The following GPC5 variants were observed in gnomAD, a reference collection of about 807,000 sequenced individuals.
GPC5 encodes glypican-5.
A neutral mutation model predicts 53.9 loss-of-function variants in GPC5; 47 were observed. That is an observed-to-expected ratio of 0.87 (90% CI 0.69 to 1.11). The LOEUF (loss-of-function observed/expected upper bound fraction) is 1.11, where lower values mean the gene tolerates loss of function less well. GPC5 is among the 50% of genes most tolerant of loss of function. GPC5 has a pLI of 0.00. For synonymous variants in GPC5, 286 were observed against 263.3 expected, an observed-to-expected ratio of 1.09 and a Z score of -0.84; for missense variants, 748 against 713.1, an observed-to-expected ratio of 1.05 and a Z score of -0.56.
intron 2 of GPC5, among the ~76,000 whole-genome samples, chr13:91,528,702 C>G (rs1886198492): frequency 6.6e-6 from 1 of 152,176 alleles, no homozygotes; most frequent in African/African-American, 2.4e-5. Flanking sequence ...ATAAAGAACC[C>G]CCTGAGAGTC....
At chr13:92,464,195 T>A (rs1181363713) in intron 7 of GPC5, among the ~76,000 whole-genome samples, 1 of 152,174 alleles carries the variant, frequency 6.6e-6, no homozygotes, top group Non-Finnish European at 1.5e-5. Flanking sequence ...CATGCTTTGG[T>A]GCAGACGACA....
At chr13:92,460,783 T>C (rs1594220089) in intron 7 of GPC5, among the ~76,000 whole-genome samples, 1 of 150,918 alleles carries the variant, frequency 6.6e-6, no homozygotes, top group African/African-American at 2.5e-5. Context: ...AAGAGAAATA[T>C]GTTAAAGTAT....
chr13:92,551,727 G>A (rs761416825), intron 7 of GPC5, among the ~76,000 whole-genome samples: 2 of 151,826 alleles, frequency 1.3e-5, no homozygotes, highest in Non-Finnish European at 2.9e-5. Flanking sequence ...GGTAGGAGGT[G>A]TAAGAAGAAA....
chr13:91,678,737 G>GTT (rs72106700), intron 2 of GPC5, among the ~76,000 whole-genome samples: 2,217 of 144,526 alleles, frequency 0.015, 62 homozygotes, highest in African/African-American at 0.052. Flanking sequence ...AGGAGTTTTT[G>GTT]TTTTTTTTTT....
At chr13:92,420,196 GAA>G (rs1166974778) in intron 7 of GPC5, among the ~76,000 whole-genome samples, 5 of 152,036 alleles carry the variant, frequency 3.3e-5, no homozygotes, top group Non-Finnish European at 7.4e-5. Flanking sequence ...ATTTTCTGCT[GAA>G]AATTTCATTG....
intron 5 of GPC5, among the ~76,000 whole-genome samples, chr13:91,844,898 C>T (rs770178124): frequency 4.6e-5 from 7 of 151,748 alleles, no homozygotes; most frequent in Non-Finnish European, 1.0e-4. Flanking sequence ...GCTAATTTTG[C>T]TGTGTGTATT....
At chr13:92,562,306 G>A (rs967383881) in intron 7 of GPC5, among the ~76,000 whole-genome samples, 4 of 151,900 alleles carry the variant, frequency 2.6e-5, no homozygotes, top group East Asian at 1.9e-4. Flanking sequence ...CTCTCAATAC[G>A]TCGGCTCTTG....
chr13:92,280,457 G>A (rs1021438466), intron 7 of GPC5, among the ~76,000 whole-genome samples: 10 of 151,890 alleles, frequency 6.6e-5, no homozygotes, highest in African/African-American at 7.3e-5. Flanking sequence ...TGTCAATATC[G>A]GATCCTGTCT....
intron 7 of GPC5, among the ~76,000 whole-genome samples, chr13:92,295,437 C>CGTA (rs1453540951): frequency 6.6e-6 from 1 of 152,094 alleles, no homozygotes; most frequent in Admixed American, 6.5e-5. Flanking sequence ...TGTGTCCTAT[C>CGTA]GTAGGTCTAT....
chr13:92,569,648 A>G (rs1454790808), intron 7 of GPC5, among the ~76,000 whole-genome samples: 1 of 152,264 alleles, frequency 6.6e-6, no homozygotes, highest in African/African-American at 2.4e-5. Context: ...GGACAGAGAC[A>G]TTACCTTCTC....
chr13:91,693,492 G>A lies in GPC5; in HGVS notation c.631G>A (p.Val211Ile). Reference protein sequence around the residue: ...VSPFGNIPQRVMGQMGRSLLP... With the variant: ...VSPFGNIPQRIMGQMGRSLLP... ...TCCATTTGGTAATATTCCCCAAAGAGTAATGGGACAGATGGGGAGGTCCCT... is the reference window on the plus strand; with the variant it reads ...TCCATTTGGTAATATTCCCCAAAGAATAATGGGACAGATGGGGAGGTCCCT... The change falls in exon 3 of 8, where the codon GTA becomes ATA. Residue 211 changes from valine (V) to isoleucine (I), a missense_variant. Transcript: ENST00000377067. 1 of 1,614,112 alleles carries A rather than the reference G, an allele frequency of 6.2e-7. No homozygotes were observed. Among genetic ancestry groups the A allele is most frequent in the Non-Finnish European group, 8.5e-7 (1 of 1,180,010 alleles).
At chr13:92,445,293 GA>G (rs1440251716) in intron 7 of GPC5, among the ~76,000 whole-genome samples, 24 of 130,642 alleles carry the variant, frequency 1.8e-4, no homozygotes, top group African/African-American at 6.5e-4. Flanking sequence ...CTCTTTTTGT[GA>G]TTTTTTTTGT....
chr13:91,920,110 A>G (rs1447964041), intron 6 of GPC5, among the ~76,000 whole-genome samples: 3 of 152,164 alleles, frequency 2.0e-5, no homozygotes, highest in East Asian at 3.9e-4. Context: ...TGAAAAATGT[A>G]AATGCAAAGG....
chr13:91,925,477 A>G (rs2039757914), intron 6 of GPC5, among the ~76,000 whole-genome samples: 1 of 152,136 alleles, frequency 6.6e-6, no homozygotes, highest in African/African-American at 2.4e-5. Flanking sequence ...CTTACCCACT[A>G]GGTGCTAGGT....
intron 7 of GPC5, among the ~76,000 whole-genome samples, chr13:92,167,793 G>T (rs2042042275): frequency 1.3e-5 from 2 of 150,812 alleles, no homozygotes; most frequent in Admixed American, 1.3e-4. Context: ...AAGGTCATCT[G>T]TTGTTTAACA....
intron 6 of GPC5, among the ~76,000 whole-genome samples, chr13:92,116,596 A>G (rs1292494166): frequency 6.6e-6 from 1 of 152,256 alleles, no homozygotes; most frequent in African/African-American, 2.4e-5. Flanking sequence ...GGATTGTCAT[A>G]TAAACAATGT....
At chr13:92,275,657 C>A (rs560952703) in intron 7 of GPC5, among the ~76,000 whole-genome samples, 18 of 152,092 alleles carry the variant, frequency 1.2e-4, no homozygotes, top group Non-Finnish European at 2.2e-4. Context: ...GAAGAAGGGC[C>A]AAACCAAGCT....
intron 7 of GPC5, among the ~76,000 whole-genome samples, chr13:92,817,261 C>T (rs1877508673): frequency 6.6e-6 from 1 of 151,900 alleles, no homozygotes; most frequent in African/African-American, 2.4e-5. Flanking sequence ...TGTTCTGCAG[C>T]AGGAAAAAGT....
At chr13:92,446,079 A>ATCTTTTGT in intron 7 of GPC5, among the ~76,000 whole-genome samples, 1 of 152,268 alleles carries the variant, frequency 6.6e-6, no homozygotes, top group African/African-American at 2.4e-5. Context: ...TCAAGCATTT[A>ATCTTTTGT]TCTTTTGTGT....
Sources: allele counts gnomAD v4.1 joint callset (sites outside exome capture counted in the v4.1 genomes callset), GRCh38; gene constraint gnomAD v4.1.1; transcripts MANE v1.5; gene names NCBI Gene and HGNC (gene_info 2026-07-23, HGNC 2026-07-21).